The following KCNIP4 variants were observed in gnomAD, a reference collection of about 807,000 sequenced individuals.
The protein encoded by KCNIP4 is Kv channel-interacting protein 4.
A neutral mutation model predicts 34.0 loss-of-function variants in KCNIP4; 12 were observed. That is an observed-to-expected ratio of 0.35 (90% confidence interval 0.23 to 0.57). The LOEUF is 0.57. Among genes scored for constraint, KCNIP4 ranks in the 20% least tolerant of loss-of-function variants. The pLI is 0.83. For synonymous variants in KCNIP4, 124 were observed against 102.2 expected, an observed-to-expected ratio of 1.21 and a Z score of -1.29; for missense variants, 238 against 311.7, an observed-to-expected ratio of 0.76 and a Z score of 1.78.
intron 1 of KCNIP4, among the ~76,000 whole-genome samples, chr4:21,231,026 G>A (rs763886342): frequency 2.0e-5 from 3 of 151,986 alleles, no homozygotes; most frequent in Non-Finnish European, 2.9e-5. Flanking sequence ...ATGGTCTTAC[G>A]CCACCCAATT....
intron 1 of KCNIP4, among the ~76,000 whole-genome samples, chr4:21,342,620 G>A (rs1035120052): frequency 5.3e-5 from 8 of 152,086 alleles, no homozygotes; most frequent in African/African-American, 1.9e-4. Flanking sequence ...CTGAGAACTT[G>A]ATAAGTAAAA....
chr4:21,299,741 G>A (rs762600214), intron 1 of KCNIP4, among the ~76,000 whole-genome samples: 1 of 152,158 alleles, frequency 6.6e-6, no homozygotes, highest in South Asian at 2.1e-4. Context: ...GTCTGAACAC[G>A]CCATCAGTGA....
chr4:21,007,548 C>G (rs983882574), intron 1 of KCNIP4, among the ~76,000 whole-genome samples: 1 of 152,118 alleles, frequency 6.6e-6, no homozygotes, highest in Non-Finnish European at 1.5e-5. Context: ...TACTCTGCCC[C>G]CGACCCACCC....
At chr4:20,822,993 T>C (rs1226288495) in intron 3 of KCNIP4, among the ~76,000 whole-genome samples, 1 of 152,136 alleles carries the variant, frequency 6.6e-6, no homozygotes, top group African/African-American at 2.4e-5. Context: ...AGGTACCTTC[T>C]TAAAAATAGA....
At chr4:21,002,742 G>C (rs571062507) in intron 1 of KCNIP4, among the ~76,000 whole-genome samples, 4 of 152,262 alleles carry the variant, frequency 2.6e-5, no homozygotes, top group Admixed American at 6.5e-5. Flanking sequence ...TCAAGTTTGG[G>C]AAGTATAAAC....
intron 1 of KCNIP4, among the ~76,000 whole-genome samples, chr4:21,196,211 C>T (rs1211589718): frequency 6.6e-6 from 1 of 152,284 alleles, no homozygotes; most frequent in East Asian, 1.9e-4. Context: ...TTCAATGTTT[C>T]CTTCCTGGGA....
intron 1 of KCNIP4, among the ~76,000 whole-genome samples, chr4:21,758,915 A>T (rs913763398): frequency 1.3e-5 from 2 of 151,772 alleles, no homozygotes; most frequent in African/African-American, 4.9e-5. Context: ...AATGTGTAAG[A>T]TAAGGATAAT....
chr4:21,127,547 T>C (rs1750726148), intron 1 of KCNIP4, among the ~76,000 whole-genome samples: 1 of 152,172 alleles, frequency 6.6e-6, no homozygotes, highest in African/African-American at 2.4e-5. Context: ...CTCCACCCCA[T>C]CAGACGCCTA....
intron 1 of KCNIP4, among the ~76,000 whole-genome samples, chr4:21,938,206 C>T (rs1447534904): frequency 4.6e-5 from 7 of 152,106 alleles, no homozygotes; most frequent in South Asian, 2.1e-4. Flanking sequence ...TAGCTTTCTA[C>T]GACTATCCCA....
At chr4:21,261,010 A>G (rs373118176) in intron 1 of KCNIP4, among the ~76,000 whole-genome samples, 1 of 152,158 alleles carries the variant, frequency 6.6e-6, no homozygotes, top group African/African-American at 2.4e-5. Context: ...CTAAACATTT[A>G]TATTAAGAGA....
chr4:21,356,163 A>T (rs946712174), intron 1 of KCNIP4, among the ~76,000 whole-genome samples: 2 of 152,196 alleles, frequency 1.3e-5, no homozygotes, highest in Non-Finnish European at 2.9e-5. Flanking sequence ...TACTGATGGA[A>T]CATATCTCAA....
intron 1 of KCNIP4, among the ~76,000 whole-genome samples, chr4:21,566,768 A>G (rs188385275): frequency 3.9e-4 from 59 of 152,288 alleles, no homozygotes; most frequent in African/African-American, 1.4e-3. Flanking sequence ...AGGTGGATTG[A>G]GAGATTTACT....
chr4:20,992,348 A>C (rs950301967), intron 1 of KCNIP4, among the ~76,000 whole-genome samples: 3 of 152,134 alleles, frequency 2.0e-5, no homozygotes, highest in Non-Finnish European at 2.9e-5. Context: ...GAACTCACTC[A>C]TTATCATGAG....
chr4:21,714,790 T>A (rs199505663), intron 1 of KCNIP4, among the ~76,000 whole-genome samples: 3 of 260 alleles, frequency 0.012, 1 homozygote, highest in Non-Finnish European at 6.3e-3. Context: ...CCTTTGATTA[T>A]TTTATTTTAT....
At chr4:21,017,819 G>C (rs775040018) in intron 1 of KCNIP4, among the ~76,000 whole-genome samples, 3 of 152,080 alleles carry the variant, frequency 2.0e-5, no homozygotes, top group Non-Finnish European at 4.4e-5. Context: ...CAGTGTAAAA[G>C]TGTTCCTGTT....
chr4:21,839,913 C>T (rs1723576780), intron 1 of KCNIP4, among the ~76,000 whole-genome samples: 2 of 152,054 alleles, frequency 1.3e-5, no homozygotes, highest in Admixed American at 6.6e-5. Context: ...TGCCTTGGAT[C>T]TCCGTCTCAT....
chr4:21,759,464 A>G (rs1412831387), intron 1 of KCNIP4, among the ~76,000 whole-genome samples: 1 of 152,212 alleles, frequency 6.6e-6, no homozygotes, highest in Non-Finnish European at 1.5e-5. Context: ...TGGTTTTACC[A>G]TATAGCAGGA....
At chr4:21,400,104 A>G (rs1723342779) in intron 1 of KCNIP4, among the ~76,000 whole-genome samples, 1 of 152,180 alleles carries the variant, frequency 6.6e-6, no homozygotes, top group Non-Finnish European at 1.5e-5. Context: ...GAATTCATCC[A>G]GTAAGGAAAG....
intron 1 of KCNIP4, among the ~76,000 whole-genome samples, chr4:21,539,490 A>G (rs1417008463): frequency 6.6e-6 from 1 of 152,194 alleles, no homozygotes; most frequent in Non-Finnish European, 1.5e-5. Context: ...CATTCCTAAC[A>G]TTGGTTTATT....
Sources: allele counts gnomAD v4.1 joint callset (sites outside exome capture counted in the v4.1 genomes callset), GRCh38; gene constraint gnomAD v4.1.1; transcripts MANE v1.5; gene names NCBI Gene and HGNC (gene_info 2026-07-23, HGNC 2026-07-21).